Variants in ST18 observed in about 807,000 individuals in gnomAD.
ST18 encodes suppression of tumorigenicity 18 protein.
ST18 carries 50 observed loss-of-function variants against 110.0 expected under a neutral mutation model. That is an observed-to-expected ratio of 0.45 (90% CI 0.36 to 0.58). ST18 has a LOEUF of 0.58. Ranked by LOEUF, ST18 falls within the 20% of genes least tolerant of loss-of-function variation. The pLI, the probability that ST18 is intolerant of heterozygous loss-of-function variation, is 0.00. For missense variants in ST18, 1,306 were observed against 1,280.1 expected (o/e 1.02, Z -0.31); for synonymous variants, 461 against 452.4 (o/e 1.02, Z -0.24).
chr8:52,307,346 C>T (rs1450692585), intron 2 of ST18, among the ~76,000 whole-genome samples: 3 of 152,122 alleles, frequency 2.0e-5, no homozygotes, highest in Non-Finnish European at 4.4e-5. Flanking sequence ...GAACAAAACT[C>T]GGTCTTTTTA....
intron 8 of ST18, among the ~76,000 whole-genome samples, chr8:52,199,915 C>A (rs1269614100): frequency 2.0e-5 from 3 of 152,166 alleles, no homozygotes; most frequent in Non-Finnish European, 2.9e-5. Context: ...TCAGGTCAAA[C>A]CCCCAGCCAG....
At chr8:52,341,080 C>T (rs1009062668) in intron 2 of ST18, among the ~76,000 whole-genome samples, 5 of 152,114 alleles carry the variant, frequency 3.3e-5, no homozygotes, top group Non-Finnish European at 7.4e-5. Flanking sequence ...AACTGCAACC[C>T]CCCTAATCAA....
In ST18 at chr8:52,254,693, T is replaced by C. The variant is rs570823878; in HGVS notation, c.-464-24616A>G. On this transcript the variant is annotated intron_variant, in intron 2 of 25. Coordinates refer to ENST00000689386, the MANE Select transcript of ST18 (RefSeq NM_001352837.2). ...GCCACGGCAACAACAACCTAAAATA[T>C]ATGTAATGGAAGTGGTGCTTATTAA... Among the ~76,000 whole-genome samples the C allele has an allele frequency of 7.2e-5, 11 of 152,246 alleles. No individual in the cohort carries two copies. In the East Asian group the frequency reaches 1.9e-3, roughly 27 times the overall value.
rs2056651311 is a variant in ST18 at position 52,144,810 on chromosome 8, T to C, written c.2053-1765A>G. On this transcript the variant is annotated intron_variant, in intron 16 of 25. Coordinates refer to ENST00000689386, the MANE Select transcript of ST18 (RefSeq NM_001352837.2). ...TGCCTCCATGGGATCCACAGCAAAATAGATGATTAACACTTACCTTTCAAA... is the reference window on the plus strand; with the variant it reads ...TGCCTCCATGGGATCCACAGCAAAACAGATGATTAACACTTACCTTTCAAA... Among the ~76,000 whole-genome samples the C allele has an allele frequency of 2.0e-5, 3 of 152,046 alleles. No individual in the cohort carries two copies. The South Asian group carries it at 6.2e-4, about 32-fold the overall frequency.
chr8:52,315,895 G>T (rs1297973135), intron 2 of ST18, among the ~76,000 whole-genome samples: 3 of 152,080 alleles, frequency 2.0e-5, no homozygotes, highest in African/African-American at 7.2e-5. Context: ...GCCTCCTTAT[G>T]AAAATGAAAA....
chr8:52,254,099 C>G (rs1288332626), intron 2 of ST18, among the ~76,000 whole-genome samples: 1 of 152,056 alleles, frequency 6.6e-6, no homozygotes, highest in Non-Finnish European at 1.5e-5. Context: ...ACCATCAACA[C>G]AGTTCTAAAC....
At chr8:52,164,179 A>G in intron 12 of ST18, 89 bp from the exon 13 acceptor site, 1 of 1,062,588 alleles carries the variant, frequency 9.4e-7, no homozygotes, top group East Asian at 2.4e-5. Flanking sequence ...CTTGGCACAC[A>G]CTAAATGTTA....
intron 2 of ST18, among the ~76,000 whole-genome samples, chr8:52,361,452 G>A (rs1183751452): frequency 1.3e-5 from 2 of 152,170 alleles, no homozygotes; most frequent in Admixed American, 1.3e-4. Flanking sequence ...GGGAGAGAAA[G>A]GACATTCAAA....
intron 2 of ST18, among the ~76,000 whole-genome samples, chr8:52,314,235 C>T (rs1255350972): frequency 6.6e-6 from 1 of 152,184 alleles, no homozygotes; most frequent in African/African-American, 2.4e-5. Flanking sequence ...GAACCTGCTC[C>T]AGAAAGTGGT....
At chr8:52,234,713 G>A (rs182686920) in intron 2 of ST18, among the ~76,000 whole-genome samples, 202 of 147,880 alleles carry the variant, frequency 1.4e-3, no homozygotes, top group Non-Finnish European at 2.3e-3. Flanking sequence ...ATCAACAAGT[G>A]GATAAAGAAA....
chr8:52,265,252 T>G (rs1361467691), intron 2 of ST18, among the ~76,000 whole-genome samples: 2 of 152,118 alleles, frequency 1.3e-5, no homozygotes, highest in East Asian at 3.9e-4. Context: ...GAGCCTCCAG[T>G]GCAACAGGTG....
At chr8:52,395,473 G>A (rs1391370904) in intron 2 of ST18, among the ~76,000 whole-genome samples, 3 of 152,168 alleles carry the variant, frequency 2.0e-5, no homozygotes, top group African/African-American at 7.2e-5. Flanking sequence ...AGGGAACCAC[G>A]AAGATATCTA....
rs149435642 is a variant in ST18, at chr8:52,382,789, A to C, written c.-465+26539T>G. On this transcript the variant is annotated intron_variant, in intron 2 of 25. Transcript: ENST00000689386. The stretch of plus-strand genomic sequence containing the variant: ...TTTTGGATAAAGATATAGGGCAAGA[A>C]AGTGCCTCATGAAAGAGAAACTGAT... 2.0e-3 allele frequency among the ~76,000 whole-genome samples: 311 copies of C among 151,940 alleles called. 1 individual carries two copies. Among genetic ancestry groups the C allele is most frequent in the African/African-American group, 6.7e-3 (276 of 41,428 alleles).
intron 2 of ST18, among the ~76,000 whole-genome samples, chr8:52,272,965 T>G (rs905168114): frequency 2.0e-5 from 3 of 152,136 alleles, no homozygotes; most frequent in African/African-American, 7.2e-5. Context: ...CAAAATGAAA[T>G]AAGCTCTAGA....
At chr8:52,365,865 A>ATT (rs34886267) in intron 2 of ST18, among the ~76,000 whole-genome samples, 11 of 142,696 alleles carry the variant, frequency 7.7e-5, no homozygotes, top group Admixed American at 1.4e-4. Flanking sequence ...TGCCTAGCTA[A>ATT]TTTTTTTTTT....
At chr8:52,293,714 C>G (rs2095590946) in intron 2 of ST18, among the ~76,000 whole-genome samples, 2 of 152,086 alleles carry the variant, frequency 1.3e-5, no homozygotes, top group South Asian at 4.1e-4. Context: ...GTTGGAGATT[C>G]AGTTTCCTCA....
intron 2 of ST18, among the ~76,000 whole-genome samples, chr8:52,276,920 C>A (rs1176282853): frequency 6.6e-6 from 1 of 152,058 alleles, no homozygotes; most frequent in Non-Finnish European, 1.5e-5. Flanking sequence ...GTGCCCACCA[C>A]CACGCCCAGC....
intron 2 of ST18, among the ~76,000 whole-genome samples, chr8:52,342,899 G>A (rs1391706932): frequency 6.6e-6 from 1 of 152,176 alleles, no homozygotes; most frequent in Non-Finnish European, 1.5e-5. Context: ...GTTGACCTTT[G>A]TAAGTGTCAT....
At chr8:52,210,086 T>G (rs920520673) in intron 8 of ST18, 3 of 456,052 alleles carry the variant, frequency 6.6e-6, no homozygotes, top group South Asian at 3.1e-5. Context: ...CCTCACCAGG[T>G]AAGTGGCCTC....
Sources: gnomAD v4.1 joint callset for allele counts (sites outside exome capture counted in the v4.1 genomes callset) on GRCh38, gnomAD v4.1.1 for gene constraint, MANE v1.5 for transcripts, NCBI Gene and HGNC (gene_info 2026-07-23, HGNC 2026-07-21) for gene names.